APBA2: variants seen among roughly 807,000 people sequenced by gnomAD.
The protein encoded by APBA2 is amyloid beta precursor protein binding family A member 2, also known as amyloid-beta A4 precursor protein-binding family A member 2.
A neutral mutation model predicts 75.0 loss-of-function variants in APBA2; 30 were observed. That is an observed-to-expected ratio of 0.40 (90% confidence interval 0.30 to 0.54). The LOEUF (loss-of-function observed/expected upper bound fraction) is 0.54, where lower values mean the gene tolerates loss of function less well. APBA2 is among the 20% of genes least tolerant of loss of function. The pLI is 0.49. For synonymous variants in APBA2, 444 were observed against 409.6 expected (o/e 1.08, Z -1.01); for missense variants, 801 against 1,016.1 (o/e 0.79, Z 2.88).
intron 2 of APBA2, among the ~76,000 whole-genome samples, chr15:28,924,797 C>T (rs1267669545): frequency 1.3e-5 from 2 of 152,142 alleles, no homozygotes; most frequent in Non-Finnish European, 2.9e-5. Context: ...TTGTTGCGTT[C>T]TGTGGTGACT....
intron 1 of APBA2, among the ~76,000 whole-genome samples, chr15:28,902,179 C>T (rs566344152): frequency 4.3e-4 from 65 of 152,110 alleles, no homozygotes; most frequent in Non-Finnish European, 8.4e-4. Context: ...AAACCCAACA[C>T]ACACCGCCTC....
rs140887285 is a variant in APBA2 at position 29,053,712 on chromosome 15, G to A, written c.-40-133G>A. ...ATGAGTTAGCGGGGGTGGGGATGGC[G>A]CACTGTTTGAACAGATGTGCCCTCA... On this transcript the variant is annotated intron_variant, in intron 3 of 14. Coordinates refer to ENST00000683413, the MANE Select transcript of APBA2 (RefSeq NM_001353788.2). 1.1e-3 allele frequency: 663 copies of A among 618,550 alleles called. 5 individuals carry two copies. In the African/African-American group the frequency reaches 0.011, roughly 10 times the overall value. The allele number at this position is 618,550 out of a possible 1,614,324, so 38.3% of individuals were successfully genotyped here.
chr15:28,992,448 G>A (rs550125389), intron 2 of APBA2, among the ~76,000 whole-genome samples: 2 of 152,324 alleles, frequency 1.3e-5, no homozygotes, highest in East Asian at 1.9e-4. Flanking sequence ...AAATTTGCAC[G>A]TAGAATAATA....
At chr15:29,009,199 C>T (rs746765801) in intron 3 of APBA2, among the ~76,000 whole-genome samples, 5 of 152,142 alleles carry the variant, frequency 3.3e-5, no homozygotes, top group Admixed American at 6.5e-5. Context: ...TCTAAAAAGA[C>T]GAGCCCCTGC....
At chr15:29,031,446 C>T (rs575511497) in intron 3 of APBA2, among the ~76,000 whole-genome samples, 2 of 152,100 alleles carry the variant, frequency 1.3e-5, no homozygotes, top group Admixed American at 6.6e-5. Flanking sequence ...GTTGTGTGCC[C>T]CTGGGGTCTC....
intron 4 of APBA2, among the ~76,000 whole-genome samples, chr15:29,072,328 T>C (rs2042659959): frequency 6.6e-6 from 1 of 152,048 alleles, no homozygotes; most frequent in African/African-American, 2.4e-5. Context: ...GTGGGTAAAA[T>C]ACCGACGTGT....
chr15:28,970,008 A>G (rs942486968), intron 2 of APBA2, among the ~76,000 whole-genome samples: 2 of 152,130 alleles, frequency 1.3e-5, no homozygotes, highest in African/African-American at 4.8e-5. Flanking sequence ...GTTCAAGGTG[A>G]TACATGATTT....
Position 28,991,403 on chromosome 15 carries a change from C to T in APBA2, c.-94-4350C>T, listed in dbSNP as rs2038221778. Among the ~76,000 whole-genome samples the T allele has an allele frequency of 6.6e-6, 1 of 152,194 alleles. No homozygotes were observed. The highest frequency in any genetic ancestry group is 2.1e-4 in the South Asian group (1 of 4,832). The stretch of plus-strand genomic sequence containing the variant: ...TTGGCTGAGCTACAGGGCCGGGCCG[C>T]AGGAGGCGTCCTTGTGCCGGAGCTC... On this transcript the variant is annotated intron_variant, in intron 2 of 14. Transcript: ENST00000683413. This position sits in a 1 kb window ranked among gnomAD's most constrained non-coding sequence, Gnocchi z 4.7.
chr15:28,918,912 T>G lies in APBA2; in HGVS notation c.-204-2728T>G, dbSNP rs1021464149. Among the ~76,000 whole-genome samples, 2 of 151,392 alleles carry G rather than the reference T, an allele frequency of 1.3e-5. No individual in the cohort carries two copies. The highest frequency in any genetic ancestry group is 6.6e-5 in the Admixed American group (1 of 15,198). On this transcript the variant is annotated intron_variant, in intron 1 of 14. Transcript: ENST00000683413. This position sits in a 1 kb window ranked among gnomAD's most constrained non-coding sequence, Gnocchi z 4.2. ...TCGCGCTCTGTCTCCCAGGCTGGAG[T>G]GCAGTGGCGCTATCTTGGCTCACTG...
rs777550144 is a variant in APBA2 at position 29,106,770 on chromosome 15, G to A, written c.1868G>A (p.Gly623Asp). Residue 623 changes from glycine to aspartate, a missense_variant, in exon 12 of 15, where the codon GGC (glycine) becomes GAC (aspartate). Transcript: ENST00000683413. ...SIGDQIMSIN[G>D]TSLVGLPLAT... Reference sequence around the variant, plus strand: ...GGGGACCAGATCATGTCCATCAATGGCACCAGCCTGGTGGGGCTGCCCCTC... The same window carrying A: ...GGGGACCAGATCATGTCCATCAATGACACCAGCCTGGTGGGGCTGCCCCTC... 1 of 1,613,036 alleles carries A rather than the reference G, an allele frequency of 6.2e-7. No homozygotes were observed. The highest frequency in any genetic ancestry group is 1.1e-5 in the South Asian group (1 of 91,082).
intron 6 of APBA2, among the ~76,000 whole-genome samples, chr15:29,085,794 C>T (rs1276706120): frequency 6.6e-6 from 1 of 152,122 alleles, no homozygotes; most frequent in African/African-American, 2.4e-5. Flanking sequence ...GGTCTGGAAC[C>T]AGTTGGTTCT....
chr15:28,995,199 A>AG (rs1277624971), intron 2 of APBA2, among the ~76,000 whole-genome samples: 3 of 152,080 alleles, frequency 2.0e-5, no homozygotes, highest in Non-Finnish European at 4.4e-5. Context: ...TCCTCTATTC[A>AG]GGGAAGTCTG....
At chr15:28,969,838 A>C (rs1023447164) in intron 2 of APBA2, among the ~76,000 whole-genome samples, 1 of 152,198 alleles carries the variant, frequency 6.6e-6, no homozygotes, top group African/African-American at 2.4e-5. Context: ...ATTCCCACTT[A>C]GGTGCCGAAG....
intron 4 of APBA2, among the ~76,000 whole-genome samples, chr15:29,058,003 T>A (rs2041976737): frequency 6.6e-6 from 1 of 152,236 alleles, no homozygotes; most frequent in Non-Finnish European, 1.5e-5. Flanking sequence ...TAGGTGTGAC[T>A]TCCTGTTGCG....
At chr15:28,949,967 A>G (rs910100128) in intron 2 of APBA2, among the ~76,000 whole-genome samples, 2 of 151,900 alleles carry the variant, frequency 1.3e-5, no homozygotes, top group Non-Finnish European at 2.9e-5. Flanking sequence ...GTTTATTCCA[A>G]TTTCCTTAGT....
At chr15:28,949,705 G>C (rs895644303) in intron 2 of APBA2, among the ~76,000 whole-genome samples, 3 of 152,206 alleles carry the variant, frequency 2.0e-5, no homozygotes, top group African/African-American at 7.2e-5. Flanking sequence ...CTGGGCTCAA[G>C]TGATCCTCAT....
Position 29,046,047 on chromosome 15 carries a change from C to T in APBA2, c.-40-7798C>T, listed in dbSNP as rs551217464. Among the ~76,000 whole-genome samples the T allele has an allele frequency of 8.5e-5, 13 of 152,228 alleles. No homozygotes were observed. The highest frequency in any genetic ancestry group is 3.9e-4 in the East Asian group (2 of 5,176). ...CAGACGTTTTGAGAGTCTGGCAGCC[C>T]GGAAAGGTGGGATTTGGCAGCTATG... On this transcript the variant is annotated intron_variant, in intron 3 of 14. Coordinates refer to ENST00000683413, the MANE Select transcript of APBA2 (RefSeq NM_001353788.2). This position sits in a 1 kb window ranked among gnomAD's most constrained non-coding sequence, Gnocchi z 5.0.
intron 2 of APBA2, among the ~76,000 whole-genome samples, chr15:28,927,712 C>T (rs1236447701): frequency 6.6e-6 from 1 of 151,552 alleles, no homozygotes; most frequent in Non-Finnish European, 1.5e-5. Flanking sequence ...CAGGCATGAG[C>T]CGCTGTGCCC....
At chr15:29,061,508 A>G (rs967402111) in intron 4 of APBA2, among the ~76,000 whole-genome samples, 31 of 152,246 alleles carry the variant, frequency 2.0e-4, no homozygotes, top group African/African-American at 7.5e-4. Context: ...TTCTAGAAAG[A>G]GCCTTCTGCC....
Sources: allele counts gnomAD v4.1 joint callset (sites outside exome capture counted in the v4.1 genomes callset), GRCh38; gene constraint gnomAD v4.1.1; non-coding constraint Gnocchi (gnomAD v3.1); transcripts MANE v1.5; gene names NCBI Gene and HGNC (gene_info 2026-07-23, HGNC 2026-07-21).